MGMT: variants seen among roughly 807,000 people sequenced by gnomAD.
MGMT encodes methylated-DNA--protein-cysteine methyltransferase.
In MGMT, 14 loss-of-function variants were observed where a neutral mutation model predicts 15.9. The ratio of observed to expected loss-of-function variants is 0.88; its 90% CI spans 0.58 to 1.37. The LOEUF (loss-of-function observed/expected upper bound fraction) is 1.37, where lower values mean the gene tolerates loss of function less well. Among genes scored for constraint, MGMT ranks in the 40% most tolerant of loss-of-function variants. MGMT has a pLI of 0.00. For synonymous variants in MGMT, 130 were observed against 118.2 expected (o/e 1.10, Z -0.65); for missense variants, 282 against 268.1 (o/e 1.05, Z -0.36).
At chr10:129,593,054 G>A (rs974953476) in intron 2 of MGMT, among the ~76,000 whole-genome samples, 30 of 152,190 alleles carry the variant, frequency 2.0e-4, no homozygotes, top group African/African-American at 7.2e-4. Context: ...GGGATGCTGC[G>A]AGGTCAGAGA....
At chr10:129,676,572 GTGACATGGAGCC>G (rs1847788683) in intron 2 of MGMT, among the ~76,000 whole-genome samples, 1 of 152,246 alleles carries the variant, frequency 6.6e-6, no homozygotes, top group South Asian at 2.1e-4. Flanking sequence ...GGCTCTGCAC[GTGACATGGAGCC>G]TGCAGCTGGA....
intron 3 of MGMT, among the ~76,000 whole-genome samples, chr10:129,720,892 G>T (rs1215653811): frequency 6.6e-6 from 1 of 151,618 alleles, no homozygotes; most frequent in Non-Finnish European, 1.5e-5. Flanking sequence ...GACCCCAAAC[G>T]CTTGGGTCTC....
chr10:129,486,490 G>A (rs1845410852), intron 1 of MGMT, among the ~76,000 whole-genome samples: 2 of 151,976 alleles, frequency 1.3e-5, no homozygotes, highest in Admixed American at 1.3e-4. Flanking sequence ...CGCCCAGCCG[G>A]TTATTGTATT....
At chr10:129,621,785 G>A (rs1465462385) in intron 2 of MGMT, among the ~76,000 whole-genome samples, 2 of 152,196 alleles carry the variant, frequency 1.3e-5, no homozygotes, top group African/African-American at 4.8e-5. Flanking sequence ...CAAAAATAGT[G>A]TGGACATTAA....
chr10:129,658,098 T>G (rs1446752077), intron 2 of MGMT, among the ~76,000 whole-genome samples: 2 of 152,212 alleles, frequency 1.3e-5, no homozygotes, highest in African/African-American at 4.8e-5. Context: ...TTTTGCTTCT[T>G]TTCTTTTTCT....
intron 3 of MGMT, among the ~76,000 whole-genome samples, chr10:129,728,443 ATGG>A (rs2133160368): frequency 6.6e-6 from 1 of 152,240 alleles, no homozygotes; most frequent in Admixed American, 6.5e-5. Context: ...AGGGTCCATA[ATGG>A]TGGTGATTGC....
chr10:129,743,412 C>A (rs1230844651), intron 3 of MGMT, among the ~76,000 whole-genome samples: 7 of 152,204 alleles, frequency 4.6e-5, no homozygotes, highest in African/African-American at 9.7e-5. Flanking sequence ...CGTTGGCCGA[C>A]CCTGTTGGGT....
intron 1 of MGMT, among the ~76,000 whole-genome samples, chr10:129,520,499 G>T (rs935439964): frequency 4.0e-5 from 6 of 150,526 alleles, no homozygotes; most frequent in Non-Finnish European, 7.4e-5. Flanking sequence ...CAGGTGCAGA[G>T]CCCCTACGGT....
In MGMT at chr10:129,708,289, G is replaced by A. The variant is rs567746607; in HGVS notation, c.274+246G>A. 3.5e-4 allele frequency among the ~76,000 whole-genome samples: 53 copies of A among 152,338 alleles called. 1 individual carries two copies. The highest frequency in any genetic ancestry group is 9.6e-4 in the African/African-American group (40 of 41,578). ...GCAATAAAAATGAAGCATGCAGATCGACTCTTGACTCTCGCTGGCTGAAAG... is the reference window on the plus strand; with the variant it reads ...GCAATAAAAATGAAGCATGCAGATCAACTCTTGACTCTCGCTGGCTGAAAG... On this transcript the variant is annotated intron_variant, in intron 3 of 4. Coordinates refer to ENST00000651593, the MANE Select transcript of MGMT (RefSeq NM_002412.5).
At chr10:129,471,432 T>A (rs1291841668) in intron 1 of MGMT, among the ~76,000 whole-genome samples, 1 of 152,142 alleles carries the variant, frequency 6.6e-6, no homozygotes, top group Non-Finnish European at 1.5e-5. Flanking sequence ...TTTAGCTACA[T>A]TGTACTTCCC....
chr10:129,621,696 TATC>T (rs1363074059), intron 2 of MGMT, among the ~76,000 whole-genome samples: 1 of 152,218 alleles, frequency 6.6e-6, no homozygotes. Context: ...CTCCAGCTGT[TATC>T]AGCAGAGCTG....
intron 3 of MGMT, among the ~76,000 whole-genome samples, chr10:129,709,241 T>C (rs4751113): frequency 0.59 from 89,262 of 152,024 alleles, 28,023 homozygotes; most frequent in African/African-American, 0.82. Flanking sequence ...ACCAATGGGC[T>C]GCTGCCAGGA....
At chr10:129,601,521 G>A (rs1846821591) in intron 2 of MGMT, among the ~76,000 whole-genome samples, 1 of 152,144 alleles carries the variant, frequency 6.6e-6, no homozygotes, top group Non-Finnish European at 1.5e-5. Context: ...GGGAAACACT[G>A]CAGGGGCTTC....
At chr10:129,561,420 G>A (rs977315594) in intron 2 of MGMT, among the ~76,000 whole-genome samples, 4 of 152,144 alleles carry the variant, frequency 2.6e-5, no homozygotes, top group Non-Finnish European at 4.4e-5. Flanking sequence ...AGAAGCTGCT[G>A]GTGCCTCTCT....
chr10:129,524,757 T>A (rs4750754), intron 1 of MGMT, among the ~76,000 whole-genome samples: 37,651 of 151,498 alleles, frequency 0.25, 5,634 homozygotes, highest in African/African-American at 0.43. Context: ...ATGCCCGGCT[T>A]ATTTTTTTAT....
intron 3 of MGMT, among the ~76,000 whole-genome samples, chr10:129,752,995 A>G (rs960558594): frequency 2.0e-5 from 3 of 152,178 alleles, no homozygotes; most frequent in African/African-American, 7.2e-5. Flanking sequence ...TAGCCATTCT[A>G]AAGATCAGAT....
At position 129,766,801 on chromosome 10, in the gene MGMT, T is replaced by A; in HGVS notation, c.428T>A (p.Ile143Asn). Residue 143 changes from isoleucine to asparagine, a missense_variant, in exon 5 of 5, where the codon ATC becomes AAC. Transcript: ENST00000651593. ...AMRGNPVPIL[I>N]PCHRVVCSSG... ...CCTGTCTTCCAGGTCCCCATCCTCA[T>A]CCCGTGCCACAGAGTGGTCTGCAGC... The A allele has an allele frequency of 2.5e-6, 4 of 1,612,836 alleles. No individual in the cohort carries two copies. Among genetic ancestry groups the A allele is most frequent in the Non-Finnish European group, 3.4e-6 (4 of 1,179,856 alleles).
At chr10:129,468,756 A>C (rs1166006744) in intron 1 of MGMT, among the ~76,000 whole-genome samples, 1 of 152,030 alleles carries the variant, frequency 6.6e-6, no homozygotes, top group Non-Finnish European at 1.5e-5. Context: ...GTGGTGGTGC[A>C]TGCTGGTAAT....
At chr10:129,694,820 T>A (rs1469706106) in intron 2 of MGMT, among the ~76,000 whole-genome samples, 1 of 152,174 alleles carries the variant, frequency 6.6e-6, no homozygotes, top group African/African-American at 2.4e-5. Context: ...GCATCTGAAC[T>A]CTGGCCTCCA....
Sources: gnomAD v4.1 joint callset for allele counts (sites outside exome capture counted in the v4.1 genomes callset) on GRCh38, gnomAD v4.1.1 for gene constraint, MANE v1.5 for transcripts, NCBI Gene and HGNC (gene_info 2026-07-23, HGNC 2026-07-21) for gene names.